PLXDC2: variants seen among roughly 807,000 people sequenced by gnomAD.
PLXDC2 encodes plexin domain-containing protein 2.
In PLXDC2, 40 loss-of-function variants were observed where a neutral mutation model predicts 68.9. That is an observed-to-expected ratio of 0.58 (90% CI 0.45 to 0.76). The LOEUF is 0.76. Among genes scored for constraint, PLXDC2 ranks in the 30% least tolerant of loss-of-function variants. The pLI is 0.00. For synonymous variants in PLXDC2, 243 were observed against 234.2 expected (o/e 1.04, Z -0.34); for missense variants, 644 against 661.9 (o/e 0.97, Z 0.30).
intron 4 of PLXDC2, among the ~76,000 whole-genome samples, chr10:20,130,121 T>G (rs1405664780): frequency 6.6e-6 from 1 of 152,118 alleles, no homozygotes; most frequent in Admixed American, 6.6e-5. Flanking sequence ...GTTTAATATT[T>G]TTAATTTTCA....
chr10:19,872,946 A>C (rs540451964), intron 1 of PLXDC2, among the ~76,000 whole-genome samples: 1 of 152,268 alleles, frequency 6.6e-6, no homozygotes, highest in East Asian at 1.9e-4. Flanking sequence ...CGTTTTCCAC[A>C]TATCTAATCT....
chr10:19,871,947 A>G (rs1471791730), intron 1 of PLXDC2, among the ~76,000 whole-genome samples: 1 of 151,806 alleles, frequency 6.6e-6, no homozygotes, highest in African/African-American at 2.4e-5. Context: ...CTTAAGTGTA[A>G]CCCTATAAAG....
chr10:20,279,875 T>C lies in PLXDC2; in HGVS notation c.*56T>C. ...GTTTACAGGTGTTAAGACTAAAATT[T>C]TGCCTATACCTTTAAGACAAACAAA... On this transcript the variant is annotated 3_prime_UTR_variant, in exon 14 of 14. Coordinates refer to ENST00000377252, the MANE Select transcript of PLXDC2 (RefSeq NM_032812.9). 3 of 1,456,106 alleles carry C rather than the reference T, an allele frequency of 2.1e-6. No homozygotes were observed. Among genetic ancestry groups the C allele is most frequent in the Non-Finnish European group, 2.9e-6 (3 of 1,039,870 alleles). 90.2% of individuals were successfully genotyped at this position (1,456,106 alleles called of 1,614,324 possible).
rs1589625676 is a variant in PLXDC2, at chr10:20,093,117, A to C, written c.541+24878A>C. On this transcript the variant is annotated intron_variant, in intron 4 of 13. Coordinates refer to ENST00000377252, the MANE Select transcript of PLXDC2 (RefSeq NM_032812.9). ...CCATGTTATCATTTCTTCTGTCCTT[A>C]TAATTGATTAATCTGAGTTTATAAC... Among the ~76,000 whole-genome samples the C allele has an allele frequency of 2.0e-5, 3 of 152,292 alleles. No homozygotes were observed. In the South Asian group the frequency reaches 6.2e-4, roughly 32 times the overall value.
intron 1 of PLXDC2, among the ~76,000 whole-genome samples, chr10:19,929,741 A>G (rs1379518491): frequency 1.3e-5 from 2 of 152,210 alleles, no homozygotes; most frequent in South Asian, 4.1e-4. Context: ...AAATATAACC[A>G]CTGATACAAA....
rs1294762902 is a variant in PLXDC2, at chr10:20,286,254, A to C, written c.*6435A>C. 6.6e-6 allele frequency: 1 copy of C among 152,182 alleles called. No homozygotes were observed. The highest frequency in any genetic ancestry group is 1.5e-5 in the Non-Finnish European group (1 of 68,036). 9.4% of individuals were successfully genotyped at this position (152,182 alleles called of 1,614,324 possible). Reference sequence around the variant, plus strand: ...TCTGTGTTACTTTAAACCCAGGATAAAAGGCTGGAAAAAAAATTAAATGTA... The same window carrying C: ...TCTGTGTTACTTTAAACCCAGGATACAAGGCTGGAAAAAAAATTAAATGTA... On this transcript the variant is annotated 3_prime_UTR_variant, in exon 14 of 14. Transcript: ENST00000377252.
chr10:19,937,550 A>G (rs1407772051), intron 1 of PLXDC2, among the ~76,000 whole-genome samples: 38 of 59,658 alleles, frequency 6.4e-4, no homozygotes, highest in Middle Eastern at 0.014. Context: ...CAATGTATAT[A>G]TATATATATA....
intron 6 of PLXDC2, among the ~76,000 whole-genome samples, chr10:20,161,319 A>C (rs1736271704): frequency 7.3e-6 from 1 of 137,164 alleles, no homozygotes; most frequent in African/African-American, 2.5e-5. Flanking sequence ...TTGGTGCAAA[A>C]AAATAAAAAT....
At chr10:20,059,707 A>G (rs1174325523) in intron 3 of PLXDC2, among the ~76,000 whole-genome samples, 1 of 152,122 alleles carries the variant, frequency 6.6e-6, no homozygotes. Flanking sequence ...AGGTTTCCAG[A>G]GTTTTCAGGG....
intron 1 of PLXDC2, among the ~76,000 whole-genome samples, chr10:19,955,407 G>T (rs1834053908): frequency 6.6e-6 from 1 of 151,848 alleles, no homozygotes; most frequent in South Asian, 2.1e-4. Context: ...TCCGGGAAAT[G>T]CACCCTCGTC....
chr10:20,256,807 G>A (rs1400022882), intron 13 of PLXDC2, among the ~76,000 whole-genome samples: 6 of 152,114 alleles, frequency 3.9e-5, no homozygotes, highest in African/African-American at 1.4e-4. Flanking sequence ...AGTAGATACT[G>A]AACATTGAAT....
Position 19,966,272 on chromosome 10 carries a change from CAT to C in PLXDC2, c.113-35498_113-35497del, listed in dbSNP as rs545745670. On this transcript the variant is annotated intron_variant, in intron 1 of 13. Coordinates refer to ENST00000377252, the MANE Select transcript of PLXDC2 (RefSeq NM_032812.9). ...TGTGTATATAGTATGTGTAAGTACA[CAT>C]ATATGTGTATATATACACATATATG... 2.0e-3 allele frequency among the ~76,000 whole-genome samples: 295 copies of C among 145,472 alleles called. 1 individual carries two copies. The highest frequency in any genetic ancestry group is 7.1e-3 in the African/African-American group (279 of 39,304).
At chr10:19,945,502 G>A (rs1297757282) in intron 1 of PLXDC2, among the ~76,000 whole-genome samples, 2 of 152,186 alleles carry the variant, frequency 1.3e-5, no homozygotes, top group Non-Finnish European at 2.9e-5. Context: ...GGCCGGGCTG[G>A]CCTGAATTCA....
chr10:20,052,722 CAAAAAA>C (rs59776582), intron 3 of PLXDC2, among the ~76,000 whole-genome samples: 72 of 92,846 alleles, frequency 7.8e-4, no homozygotes, highest in Non-Finnish European at 1.4e-3. Context: ...ACAAATTATG[CAAAAAA>C]AAAAAAAAAA....
In PLXDC2 at chr10:19,987,071, A is replaced by G. The variant is rs146653205; in HGVS notation, c.113-14704A>G. Among the ~76,000 whole-genome samples, 84 of 152,292 alleles carry G rather than the reference A, an allele frequency of 5.5e-4. 1 individual carries two copies. Among genetic ancestry groups the G allele is most frequent in the Middle Eastern group, 6.8e-3 (2 of 294 alleles). On this transcript the variant is annotated intron_variant, in intron 1 of 13. Transcript: ENST00000377252. The stretch of plus-strand genomic sequence containing the variant: ...TTTCTCAAGTACTACCACTGTTTGT[A>G]TTAATTGAAACATAAATGGAGCAAA...
chr10:20,270,595 A>T (rs892344868), intron 13 of PLXDC2, among the ~76,000 whole-genome samples: 2 of 151,640 alleles, frequency 1.3e-5, no homozygotes, highest in East Asian at 3.9e-4. Flanking sequence ...CTCAGGCTGG[A>T]GTGCAATGGC....
intron 12 of PLXDC2, among the ~76,000 whole-genome samples, chr10:20,231,709 A>G (rs184892734): frequency 9.2e-5 from 14 of 152,164 alleles, no homozygotes; most frequent in Admixed American, 9.2e-4. Context: ...TTTAAAAATT[A>G]TAAACATCAA....
At chr10:19,833,262 T>G (rs1283549483) in intron 1 of PLXDC2, among the ~76,000 whole-genome samples, 2 of 152,200 alleles carry the variant, frequency 1.3e-5, no homozygotes, top group Non-Finnish European at 2.9e-5. Context: ...GTGCTACTGT[T>G]GCAGGTCTGG....
At chr10:19,986,932 C>A (rs1834651344) in intron 1 of PLXDC2, among the ~76,000 whole-genome samples, 1 of 152,178 alleles carries the variant, frequency 6.6e-6, no homozygotes, top group South Asian at 2.1e-4. Context: ...TGCATGAACA[C>A]TGGAAGTGCT....
Sources: allele counts gnomAD v4.1 joint callset (sites outside exome capture counted in the v4.1 genomes callset), GRCh38; gene constraint gnomAD v4.1.1; transcripts MANE v1.5; gene names NCBI Gene and HGNC (gene_info 2026-07-23, HGNC 2026-07-21).